CADM2: variants seen among roughly 807,000 people sequenced by gnomAD.
CADM2 encodes the protein cell adhesion molecule 2.
Under a neutral mutation model 49.8 loss-of-function variants are expected in CADM2, and 12 were observed. The observed-to-expected ratio is 0.24, with a 90% CI of 0.15 to 0.39. The LOEUF (loss-of-function observed/expected upper bound fraction) is 0.39, where lower values mean the gene tolerates loss of function less well. CADM2 is among the 10% of genes least tolerant of loss of function. The pLI, the probability that CADM2 is intolerant of heterozygous loss-of-function variation, is 1.00. For synonymous variants in CADM2, 214 were observed against 175.4 expected (o/e 1.22, Z -1.74); for missense variants, 378 against 492.3 (o/e 0.77, Z 2.20).
At chr3:85,537,265 A>G (rs2061440884) in intron 1 of CADM2, among the ~76,000 whole-genome samples, 1 of 152,104 alleles carries the variant, frequency 6.6e-6, no homozygotes, top group Non-Finnish European at 1.5e-5. Flanking sequence ...CTTTTTCAAC[A>G]TTTTTTAAGT....
chr3:85,436,021 GTT>G (rs1189829690), intron 1 of CADM2, among the ~76,000 whole-genome samples: 1 of 152,010 alleles, frequency 6.6e-6, no homozygotes, highest in Non-Finnish European at 1.5e-5. Flanking sequence ...AAACTCTTTA[GTT>G]TAATTAGATC....
intron 1 of CADM2, among the ~76,000 whole-genome samples, chr3:85,171,216 G>A (rs58013523): frequency 0.22 from 34,136 of 151,998 alleles, 6,500 homozygotes; most frequent in African/African-American, 0.52. Flanking sequence ...GCTTATGTCT[G>A]TATAGAAATA....
At chr3:85,818,521 T>C (rs1463224657) in intron 3 of CADM2, among the ~76,000 whole-genome samples, 2 of 152,190 alleles carry the variant, frequency 1.3e-5, no homozygotes, top group African/African-American at 2.4e-5. Context: ...CTATTTTGTT[T>C]ATTACCTCCT....
rs114598337 is a variant in CADM2, at chr3:86,035,892, T to A, written c.971-29713T>A. The stretch of plus-strand genomic sequence containing the variant: ...GTTTAAGATCAAGGTGCTGGCAGAT[T>A]CAATTCTTGCTGAGGGTCATCTTCT... On this transcript the variant is annotated intron_variant, in intron 8 of 9. Transcript: ENST00000383699. 3.0e-3 allele frequency among the ~76,000 whole-genome samples: 461 copies of A among 152,238 alleles called. 3 individuals are homozygous for A. The highest frequency in any genetic ancestry group is 1.0e-2 in the African/African-American group (414 of 41,566).
At chr3:85,534,545 T>C (rs968665378) in intron 1 of CADM2, among the ~76,000 whole-genome samples, 3 of 152,306 alleles carry the variant, frequency 2.0e-5, no homozygotes, top group African/African-American at 7.2e-5. Flanking sequence ...AGTCACACTC[T>C]TCTGTTCAGT....
At chr3:85,283,268 T>C (rs1030407588) in intron 1 of CADM2, among the ~76,000 whole-genome samples, 2 of 151,906 alleles carry the variant, frequency 1.3e-5, no homozygotes, top group Non-Finnish European at 2.9e-5. Context: ...TCTTATTTTT[T>C]GACATTATCA....
rs867672708 is a variant in CADM2 at position 85,021,133 on chromosome 3, A to G, written c.61+61465A>G. Among the ~76,000 whole-genome samples the G allele has an allele frequency of 1.2e-3, 176 of 140,918 alleles. 1 individual carries two copies. The highest frequency in any genetic ancestry group is 6.2e-3 in the South Asian group (27 of 4,336). The allele number at this position is 140,918 out of a possible 152,430, so 92.4% of individuals were successfully genotyped here. ...CCCTGTCTCAAAAAAAAAAAAAAAA[A>G]GGGGGAAAAAAAAGAAAAAAAGAGA... On this transcript the variant is annotated intron_variant, in intron 1 of 9. Transcript: ENST00000383699.
chr3:85,567,967 C>G (rs77395383), intron 1 of CADM2, among the ~76,000 whole-genome samples: 1 of 152,168 alleles, frequency 6.6e-6, no homozygotes, highest in Non-Finnish European at 1.5e-5. Context: ...AGCTCTCCCC[C>G]TTTTTGTTCT....
chr3:85,489,661 G>GA (rs56088977), intron 1 of CADM2, among the ~76,000 whole-genome samples: 15 of 127,742 alleles, frequency 1.2e-4, no homozygotes, highest in African/African-American at 4.2e-4. Flanking sequence ...AATAATAAAA[G>GA]AAAAAAAATC....
At chr3:85,126,743 A>G (rs944417890) in intron 1 of CADM2, among the ~76,000 whole-genome samples, 3 of 152,170 alleles carry the variant, frequency 2.0e-5, no homozygotes, top group Non-Finnish European at 2.9e-5. Context: ...CATTTCTAAA[A>G]AAAAGTCAAT....
At chr3:85,792,791 A>T (rs1386636513) in intron 2 of CADM2, among the ~76,000 whole-genome samples, 1 of 152,226 alleles carries the variant, frequency 6.6e-6, no homozygotes, top group Non-Finnish European at 1.5e-5. Context: ...GTGTTAAAAC[A>T]TGCATCATCC....
intron 1 of CADM2, among the ~76,000 whole-genome samples, chr3:85,224,051 C>A (rs1363679470): frequency 6.6e-6 from 1 of 152,152 alleles, no homozygotes; most frequent in Non-Finnish European, 1.5e-5. Flanking sequence ...GTGAAGAGTG[C>A]TGCAATACAT....
intron 1 of CADM2, among the ~76,000 whole-genome samples, chr3:85,347,953 G>A (rs977492650): frequency 2.6e-5 from 4 of 151,800 alleles, no homozygotes; most frequent in East Asian, 1.9e-4. Context: ...GACTACAGGC[G>A]CCCACCACTG....
At chr3:85,984,711 T>C (rs941339062) in intron 8 of CADM2, among the ~76,000 whole-genome samples, 1 of 151,932 alleles carries the variant, frequency 6.6e-6, no homozygotes, top group South Asian at 2.1e-4. Context: ...CATTTCAATG[T>C]ACCAGATAGG....
chr3:85,918,031 C>T (rs1456466569), intron 6 of CADM2, among the ~76,000 whole-genome samples: 1 of 152,148 alleles, frequency 6.6e-6, no homozygotes, highest in Non-Finnish European at 1.5e-5. Context: ...TGAGACTTTG[C>T]TGAAGTTTCT....
At chr3:85,159,419 A>G (rs1174303717) in intron 1 of CADM2, among the ~76,000 whole-genome samples, 1 of 151,078 alleles carries the variant, frequency 6.6e-6, no homozygotes, top group Non-Finnish European at 1.5e-5. Flanking sequence ...AGGGTTGTAG[A>G]CTGGTCCATG....
chr3:85,776,648 T>C (rs571445505), intron 2 of CADM2, among the ~76,000 whole-genome samples: 133 of 152,234 alleles, frequency 8.7e-4, no homozygotes, highest in African/African-American at 3.2e-3. Flanking sequence ...ACCTTGAAAT[T>C]ATTTCTGCTC....
intron 8 of CADM2, among the ~76,000 whole-genome samples, chr3:85,970,930 C>A (rs1363238026): frequency 6.6e-6 from 1 of 150,856 alleles, no homozygotes; most frequent in African/African-American, 2.4e-5. Context: ...ATGGGTTAAG[C>A]AACTATTTTA....
chr3:85,780,727 T>A (rs1162250940), intron 2 of CADM2, among the ~76,000 whole-genome samples: 1 of 152,172 alleles, frequency 6.6e-6, no homozygotes, highest in Non-Finnish European at 1.5e-5. Context: ...AATCTTAATT[T>A]TTTTCTTGCC....
Sources: gnomAD v4.1 joint callset for allele counts (sites outside exome capture counted in the v4.1 genomes callset) on GRCh38, gnomAD v4.1.1 for gene constraint, MANE v1.5 for transcripts, NCBI Gene and HGNC (gene_info 2026-07-23, HGNC 2026-07-21) for gene names.